SAMD5: variants seen among roughly 807,000 people sequenced by gnomAD.
The protein encoded by SAMD5 is sterile alpha motif domain containing 5, also known as sterile alpha motif domain-containing protein 5.
A neutral mutation model predicts 11.3 loss-of-function variants in SAMD5; 13 were observed. That is an observed-to-expected ratio of 1.15 (90% CI 0.75 to 1.83). The LOEUF (loss-of-function observed/expected upper bound fraction) is 1.83. Ranked by LOEUF, SAMD5 falls within the 40% of genes most tolerant of loss-of-function variation. The pLI is 0.00. For missense variants in SAMD5, 255 were observed against 239.1 expected, an observed-to-expected ratio of 1.07 and a Z score of -0.44; for synonymous variants, 129 against 111.3, an observed-to-expected ratio of 1.16 and a Z score of -1.00.
the SAMD5 span, among the ~76,000 whole-genome samples, chr6:147,836,574 T>C: frequency 6.6e-6 from 1 of 152,224 alleles, no homozygotes; most frequent in African/African-American, 2.4e-5. Flanking sequence ...GAATATGTCA[T>C]GTAATTGATT....
At chr6:147,547,553 G>C (rs112210724) in intron 1 of SAMD5, among the ~76,000 whole-genome samples, 3,470 of 152,304 alleles carry the variant, frequency 0.023, 132 homozygotes, top group African/African-American at 0.079. Flanking sequence ...ATGGTGGGTT[G>C]GATCTTCGCA....
chr6:147,529,540 A>G lies in SAMD5; in HGVS notation c.459+20153A>G, dbSNP rs77145511. Among the ~76,000 whole-genome samples the G allele has an allele frequency of 4.2e-3, 640 of 152,318 alleles. 2 individuals are homozygous for G. The highest frequency in any genetic ancestry group is 0.015 in the African/African-American group (606 of 41,576). On this transcript the variant is annotated intron_variant, in intron 1 of 1. Coordinates refer to ENST00000367474, the MANE Select transcript of SAMD5 (RefSeq NM_001030060.3). ...CCTTTGTGTTGCTAAGATATATAGT[A>G]TGATTGGACACTGTTATTGTTTCAT...
chr6:147,876,086 C>A, the SAMD5 span, among the ~76,000 whole-genome samples: 1 of 152,208 alleles, frequency 6.6e-6, no homozygotes, highest in Non-Finnish European at 1.5e-5. Flanking sequence ...AAGCGGGTCA[C>A]TTTCACAAGT....
chr6:147,863,522 A>T, the SAMD5 span, among the ~76,000 whole-genome samples: 1 of 152,234 alleles, frequency 6.6e-6, no homozygotes, highest in African/African-American at 2.4e-5. Flanking sequence ...AAACTTAAGT[A>T]GAAGGTTGTT....
At chr6:147,522,320 GTTTAA>G (rs944366985) in intron 1 of SAMD5, among the ~76,000 whole-genome samples, 1 of 152,148 alleles carries the variant, frequency 6.6e-6, no homozygotes, top group Non-Finnish European at 1.5e-5. Flanking sequence ...CTGGCTGTCA[GTTTAA>G]CGTAGTTTTC....
chr6:147,914,601 T>G, the SAMD5 span, among the ~76,000 whole-genome samples: 1 of 152,128 alleles, frequency 6.6e-6, no homozygotes, highest in African/African-American at 2.4e-5. Flanking sequence ...AAAGTGAAGG[T>G]TGAATCAGGC....
At chr6:147,755,748 A>G in the SAMD5 span, among the ~76,000 whole-genome samples, 1 of 152,238 alleles carries the variant, frequency 6.6e-6, no homozygotes, top group Admixed American at 6.5e-5. Context: ...CAGGCTGTAT[A>G]CAGAACATCT....
At chr6:147,781,325 TA>T in the SAMD5 span, among the ~76,000 whole-genome samples, 5 of 149,912 alleles carry the variant, frequency 3.3e-5, no homozygotes, top group South Asian at 2.1e-4. Context: ...CTGGCTAATT[TA>T]AAAAAAAAAT....
chr6:147,875,499 C>T, the SAMD5 span, among the ~76,000 whole-genome samples: 1 of 152,166 alleles, frequency 6.6e-6, no homozygotes, highest in African/African-American at 2.4e-5. Flanking sequence ...TCTCATCCCT[C>T]TTCTCTTCTA....
chr6:147,598,507 T>G (rs986581806), intron 1 of SAMD5, among the ~76,000 whole-genome samples: 10 of 152,156 alleles, frequency 6.6e-5, no homozygotes, highest in Non-Finnish European at 1.3e-4. Flanking sequence ...CAATATAGAT[T>G]TTTGAATCAG....
chr6:147,601,586 G>T (rs1048905157), intron 1 of SAMD5, among the ~76,000 whole-genome samples: 1 of 152,196 alleles, frequency 6.6e-6, no homozygotes, highest in East Asian at 1.9e-4. Flanking sequence ...CGGAACACAC[G>T]TCCATGTACA....
At chr6:147,555,014 C>T (rs1788832642) in intron 1 of SAMD5, among the ~76,000 whole-genome samples, 1 of 152,186 alleles carries the variant, frequency 6.6e-6, no homozygotes. Flanking sequence ...AAAATGTTAA[C>T]GTCGACCTGT....
In SAMD5 at chr6:147,568,801, AT is replaced by A; in HGVS notation, c.*4346del. On this transcript the variant is annotated 3_prime_UTR_variant, in exon 2 of 2. Transcript: ENST00000367474. ...CACTATCAGATTCTTTGATTAAAAA[AT>A]CATCTTCAGCTTTACATTATTAATC... 1 of 962,798 alleles carries A rather than the reference AT, an allele frequency of 1.0e-6. No individual in the cohort carries two copies. The allele number at this position is 962,798 out of a possible 1,614,324, so 59.6% of individuals were successfully genotyped here.
At chr6:147,772,727 T>C in the SAMD5 span, among the ~76,000 whole-genome samples, 1 of 152,170 alleles carries the variant, frequency 6.6e-6, no homozygotes, top group Admixed American at 6.5e-5. Context: ...TGGACACTAG[T>C]CAGATTGGAT....
chr6:147,572,654 A>G (rs1439320801), downstream of SAMD5, among the ~76,000 whole-genome samples: 1 of 152,156 alleles, frequency 6.6e-6, no homozygotes, highest in Non-Finnish European at 1.5e-5. Flanking sequence ...TCCTACTGTG[A>G]ATTATGAGAG....
intron 1 of SAMD5, among the ~76,000 whole-genome samples, chr6:147,562,210 T>G (rs1041112992): frequency 1.3e-5 from 2 of 152,226 alleles, no homozygotes; most frequent in Admixed American, 6.5e-5. Context: ...TCTTTATTTT[T>G]CTATGTTTCT....
chr6:147,882,184 C>G, the SAMD5 span, among the ~76,000 whole-genome samples: 2 of 152,142 alleles, frequency 1.3e-5, no homozygotes, highest in Non-Finnish European at 2.9e-5. Context: ...TCTTTGTCCT[C>G]TTATTACTTG....
intron 1 of SAMD5, among the ~76,000 whole-genome samples, chr6:147,721,399 T>C (rs1214791559): frequency 6.6e-6 from 1 of 152,150 alleles, no homozygotes; most frequent in Non-Finnish European, 1.5e-5. Flanking sequence ...TTCTAACTGG[T>C]GTGAGATGGT....
chr6:147,862,449 G>A, the SAMD5 span, among the ~76,000 whole-genome samples: 9 of 152,046 alleles, frequency 5.9e-5, no homozygotes, highest in East Asian at 1.9e-4. Context: ...CTAAAACTGC[G>A]TGCCTACTAC....
Sources: gnomAD v4.1 joint callset for allele counts (sites outside exome capture counted in the v4.1 genomes callset) on GRCh38, gnomAD v4.1.1 for gene constraint, MANE v1.5 for transcripts, NCBI Gene and HGNC (gene_info 2026-07-23, HGNC 2026-07-21) for gene names.